ERC2: variants seen among roughly 807,000 people sequenced by gnomAD.
ERC2 encodes ELKS/RAB6-interacting/CAST family member 2.
In ERC2, 42 loss-of-function variants were observed where a neutral mutation model predicts 114.8. The ratio of observed to expected loss-of-function variants is 0.37; its 90% CI spans 0.29 to 0.47. The LOEUF (loss-of-function observed/expected upper bound fraction) is 0.47, where lower values mean the gene tolerates loss of function less well. Among genes scored for constraint, ERC2 ranks in the 20% least tolerant of loss-of-function variants. ERC2 has a pLI of 0.99. For synonymous variants in ERC2, 454 were observed against 425.5 expected (o/e 1.07, Z -0.82); for missense variants, 939 against 1,150.7 (o/e 0.82, Z 2.66).
chr3:55,706,773 C>G (rs1241858591), intron 15 of ERC2, among the ~76,000 whole-genome samples: 2 of 152,122 alleles, frequency 1.3e-5, no homozygotes, highest in Non-Finnish European at 1.5e-5. Context: ...AATTAACAAG[C>G]CTGCACTTAA....
At chr3:55,857,491 T>C (rs886085783) in intron 14 of ERC2, among the ~76,000 whole-genome samples, 4 of 152,340 alleles carry the variant, frequency 2.6e-5, no homozygotes, top group East Asian at 1.9e-4. Context: ...ATTCATAGTG[T>C]TGTACAACCA....
At chr3:56,392,177 G>A (rs2060151836) in intron 2 of ERC2, among the ~76,000 whole-genome samples, 1 of 152,206 alleles carries the variant, frequency 6.6e-6, no homozygotes, top group Non-Finnish European at 1.5e-5. Context: ...TGAGATGCAT[G>A]TAGATTTATC....
intron 15 of ERC2, among the ~76,000 whole-genome samples, chr3:55,705,503 C>A (rs1358046267): frequency 6.6e-6 from 1 of 152,170 alleles, no homozygotes; most frequent in Admixed American, 6.5e-5. Flanking sequence ...ATAACATCAA[C>A]CTGTGGCATT....
intron 17 of ERC2, among the ~76,000 whole-genome samples, chr3:55,575,190 T>C (rs1008520552): frequency 6.6e-6 from 1 of 152,126 alleles, no homozygotes; most frequent in Non-Finnish European, 1.5e-5. Context: ...AATTTTTTGG[T>C]ATTTTTTAGT....
intron 13 of ERC2, among the ~76,000 whole-genome samples, chr3:55,940,973 A>C (rs1189959845): frequency 6.6e-6 from 1 of 152,214 alleles, no homozygotes; most frequent in African/African-American, 2.4e-5. Context: ...AAAGGTGTCC[A>C]GTTTATGACT....
intron 12 of ERC2, among the ~76,000 whole-genome samples, chr3:55,978,243 G>A (rs184572687): frequency 1.3e-5 from 2 of 152,194 alleles, no homozygotes; most frequent in Non-Finnish European, 2.9e-5. Context: ...CTAGTTCCAG[G>A]AAAATTTAAA....
intron 4 of ERC2, among the ~76,000 whole-genome samples, chr3:56,164,681 A>G (rs2082233097): frequency 6.6e-6 from 1 of 152,052 alleles, no homozygotes; most frequent in South Asian, 2.1e-4. Context: ...CAGTTTTCCA[A>G]AGAGGGCTGT....
chr3:56,291,948 T>C (rs772732217), intron 3 of ERC2, among the ~76,000 whole-genome samples: 2 of 152,136 alleles, frequency 1.3e-5, no homozygotes, highest in Non-Finnish European at 2.9e-5. Flanking sequence ...TATTTGGCAA[T>C]GGGAAACAAC....
At chr3:55,716,775 A>T (rs2064144342) in intron 15 of ERC2, among the ~76,000 whole-genome samples, 1 of 152,178 alleles carries the variant, frequency 6.6e-6, no homozygotes, top group South Asian at 2.1e-4. Context: ...ACAGTCCTAT[A>T]CCAGTCTCCA....
At chr3:56,044,608 T>G (rs985745515) in intron 7 of ERC2, among the ~76,000 whole-genome samples, 1 of 152,172 alleles carries the variant, frequency 6.6e-6, no homozygotes, top group African/African-American at 2.4e-5. Flanking sequence ...CTTAAAGTAC[T>G]CTATCTATGC....
At chr3:55,572,144 A>G (rs1263942040) in intron 17 of ERC2, among the ~76,000 whole-genome samples, 1 of 152,212 alleles carries the variant, frequency 6.6e-6, no homozygotes, top group African/African-American at 2.4e-5. Flanking sequence ...GAGGCATTCC[A>G]GCTAGCGAGG....
At chr3:55,998,630 C>T (rs1236660752) in intron 10 of ERC2, among the ~76,000 whole-genome samples, 1 of 152,098 alleles carries the variant, frequency 6.6e-6, no homozygotes, top group Non-Finnish European at 1.5e-5. Flanking sequence ...CAGAAATAGG[C>T]TTCAAAAATC....
At chr3:56,277,604 GTCA>G (rs1281136899) in intron 3 of ERC2, among the ~76,000 whole-genome samples, 1 of 151,888 alleles carries the variant, frequency 6.6e-6, no homozygotes, top group Admixed American at 6.6e-5. Context: ...TATTCCCACT[GTCA>G]TCACCTTAAT....
At position 56,246,513 on chromosome 3, in the gene ERC2, C is replaced by T. The variant is rs865911251; in HGVS notation, c.1074+49506G>A. On this transcript the variant is annotated intron_variant, in intron 3 of 17. Transcript: ENST00000288221. ...AAAAGATAACACATATTGAGGTTTA[C>T]AGTTAGCCATCCACTATTCCAATCA... Among the ~76,000 whole-genome samples the T allele has an allele frequency of 2.0e-4, 31 of 152,152 alleles. 1 individual carries two copies. Among genetic ancestry groups the T allele is most frequent in the Non-Finnish European group, 8.8e-5 (6 of 68,016 alleles).
At chr3:55,853,538 GA>G (rs960266910) in intron 14 of ERC2, among the ~76,000 whole-genome samples, 7 of 148,872 alleles carry the variant, frequency 4.7e-5, no homozygotes, top group African/African-American at 1.2e-4. Flanking sequence ...AATAAACAAA[GA>G]AAAAAAAAGA....
chr3:55,948,212 T>C (rs747032444), intron 13 of ERC2, among the ~76,000 whole-genome samples: 15 of 152,216 alleles, frequency 9.9e-5, no homozygotes, highest in Non-Finnish European at 1.8e-4. Context: ...ATACTCTACA[T>C]GATATTTTTC....
intron 2 of ERC2, among the ~76,000 whole-genome samples, chr3:56,322,260 C>T (rs1343135051): frequency 6.6e-6 from 1 of 152,244 alleles, no homozygotes; most frequent in Non-Finnish European, 1.5e-5. Context: ...TGCAAATCCA[C>T]AAACAGTGGG....
chr3:56,055,125 G>A (rs960162836), intron 7 of ERC2, among the ~76,000 whole-genome samples: 1 of 152,146 alleles, frequency 6.6e-6, no homozygotes, highest in Non-Finnish European at 1.5e-5. Flanking sequence ...CAAACACGGC[G>A]ACCTGGGCCC....
At chr3:56,150,748 ATAT>A (rs2081371773) in intron 4 of ERC2, among the ~76,000 whole-genome samples, 2 of 152,156 alleles carry the variant, frequency 1.3e-5, no homozygotes, top group Non-Finnish European at 2.9e-5. Flanking sequence ...ATTTCTGGAA[ATAT>A]TGTATACTAC....
Sources: allele counts gnomAD v4.1 joint callset (sites outside exome capture counted in the v4.1 genomes callset), GRCh38; gene constraint gnomAD v4.1.1; transcripts MANE v1.5; gene names NCBI Gene and HGNC (gene_info 2026-07-23, HGNC 2026-07-21).